Variants in GLIS3 observed in about 807,000 individuals in gnomAD.
GLIS3 encodes the protein zinc finger protein GLIS3.
In GLIS3, 53 loss-of-function variants were observed where a neutral mutation model predicts 78.6. The observed-to-expected ratio is 0.67, with a 90% CI of 0.54 to 0.85. GLIS3 has a LOEUF of 0.85. GLIS3 is among the 40% of genes least tolerant of loss of function. The pLI, the probability that GLIS3 is intolerant of heterozygous loss-of-function variation, is 0.00. For missense variants in GLIS3, 1,703 were observed against 1,231.1 expected, an observed-to-expected ratio of 1.38 and a Z score of -5.74; for synonymous variants, 684 against 509.9, an observed-to-expected ratio of 1.34 and a Z score of -4.60.
intron 2 of GLIS3, among the ~76,000 whole-genome samples, chr9:4,335,861 C>A (rs1372362585): frequency 6.6e-6 from 1 of 152,174 alleles, no homozygotes; most frequent in East Asian, 1.9e-4. Context: ...CTCATTCCAG[C>A]CTTGGTGTTT....
chr9:4,240,375 T>C (rs533826103), intron 2 of GLIS3, among the ~76,000 whole-genome samples: 6 of 152,298 alleles, frequency 3.9e-5, no homozygotes, highest in African/African-American at 1.4e-4. Flanking sequence ...CAGGCAGTCA[T>C]GTTCACTCAC....
At chr9:4,182,578 A>G (rs1817427320) in intron 2 of GLIS3, among the ~76,000 whole-genome samples, 1 of 152,230 alleles carries the variant, frequency 6.6e-6, no homozygotes, top group African/African-American at 2.4e-5. Flanking sequence ...GGGTATCACC[A>G]CAAACATCTT....
At chr9:4,058,301 C>T (rs1001911865) in intron 4 of GLIS3, among the ~76,000 whole-genome samples, 1 of 151,922 alleles carries the variant, frequency 6.6e-6, no homozygotes, top group Non-Finnish European at 1.5e-5. Context: ...ACCACACATA[C>T]ACAATAAGGC....
intron 4 of GLIS3, among the ~76,000 whole-genome samples, chr9:4,089,174 T>C (rs1481344688): frequency 6.6e-6 from 1 of 152,192 alleles, no homozygotes; most frequent in African/African-American, 2.4e-5. Flanking sequence ...CTGTCTCAAC[T>C]GCAGTGTGGA....
intron 2 of GLIS3, among the ~76,000 whole-genome samples, chr9:4,325,421 A>G (rs1344079789): frequency 1.3e-5 from 2 of 152,232 alleles, no homozygotes; most frequent in East Asian, 3.8e-4. Flanking sequence ...AACAACATAC[A>G]GTTCATCTTT....
chr9:4,080,551 C>G (rs754581853), intron 4 of GLIS3, among the ~76,000 whole-genome samples: 6 of 152,028 alleles, frequency 3.9e-5, no homozygotes, highest in Non-Finnish European at 5.9e-5. Context: ...GTGTATTCTA[C>G]CCCATTTAAA....
intron 2 of GLIS3, among the ~76,000 whole-genome samples, chr9:4,185,958 G>A (rs1203752929): frequency 1.3e-5 from 2 of 151,978 alleles, no homozygotes; most frequent in Non-Finnish European, 2.9e-5. Flanking sequence ...CTGGCGCAGT[G>A]TGTCAAAGTT....
Position 3,980,423 on chromosome 9 carries a change from C to T in GLIS3, c.1711-43234G>A, listed in dbSNP as rs762690987. On this transcript the variant is annotated intron_variant, in intron 4 of 10. Coordinates refer to ENST00000381971, the MANE Select transcript of GLIS3 (RefSeq NM_001042413.2). ...TCCAGAGTCCATATCTCTCTCCTCA[C>T]CCTGAAATGTAAGCCAGACATACCA... is the stretch of plus-strand genomic sequence containing the variant. Among the ~76,000 whole-genome samples the T allele has an allele frequency of 6.0e-4, 91 of 152,294 alleles. 1 individual carries two copies. The highest frequency in any genetic ancestry group is 7.6e-4 in the Non-Finnish European group (52 of 68,030).
Position 4,261,311 on chromosome 9 carries a change from G to C in GLIS3, c.388+24727C>G, listed in dbSNP as rs191755274. Among the ~76,000 whole-genome samples, 3 of 152,262 alleles carry C rather than the reference G, an allele frequency of 2.0e-5. No homozygotes were observed. The East Asian group carries it at 5.8e-4, about 29-fold the overall frequency. The stretch of plus-strand genomic sequence containing the variant: ...GGGGATACATGAGAGTGAGACGTGG[G>C]ACTTGATACTCTGCCATAATGGAAG... On this transcript the variant is annotated intron_variant, in intron 2 of 10. Coordinates refer to ENST00000381971, the MANE Select transcript of GLIS3 (RefSeq NM_001042413.2).
intron 2 of GLIS3, among the ~76,000 whole-genome samples, chr9:4,237,819 G>A (rs1822908141): frequency 2.6e-5 from 4 of 152,192 alleles, no homozygotes; most frequent in Admixed American, 2.6e-4. Flanking sequence ...GGGACACACT[G>A]TAAGCACATT....
chr9:4,460,231 C>A, the GLIS3 span, among the ~76,000 whole-genome samples: 1 of 152,014 alleles, frequency 6.6e-6, no homozygotes, highest in Non-Finnish European at 1.5e-5. Context: ...AGAAAGGGGG[C>A]AATTCCTAGG....
At chr9:3,932,772 TA>T in intron 5 of GLIS3, 1 of 430,070 alleles carries the variant, frequency 2.3e-6, no homozygotes, top group South Asian at 1.7e-5. Flanking sequence ...AAATTATTAG[TA>T]AGCATCTCTA....
At chr9:4,397,254 T>G in the GLIS3 span, among the ~76,000 whole-genome samples, 1 of 147,968 alleles carries the variant, frequency 6.8e-6, no homozygotes, top group Admixed American at 6.7e-5. Flanking sequence ...CTCGATCTCC[T>G]GACCTCGTGA....
chr9:3,962,569 T>C (rs912849615), intron 4 of GLIS3, among the ~76,000 whole-genome samples: 4 of 152,220 alleles, frequency 2.6e-5, no homozygotes, highest in African/African-American at 9.6e-5. Context: ...TGTTTACTTA[T>C]ATTTATTCAA....
chr9:4,014,056 AG>A (rs1359302130), intron 4 of GLIS3, among the ~76,000 whole-genome samples: 1 of 152,182 alleles, frequency 6.6e-6, no homozygotes, highest in Non-Finnish European at 1.5e-5. Context: ...ATTGCAGAAG[AG>A]GCTTCACATG....
At chr9:4,180,495 C>G (rs1817213813) in intron 2 of GLIS3, among the ~76,000 whole-genome samples, 1 of 152,148 alleles carries the variant, frequency 6.6e-6, no homozygotes, top group Non-Finnish European at 1.5e-5. Context: ...TTAAATGAAA[C>G]ACCCTTTGTG....
chr9:3,900,322 G>T (rs938588167), intron 6 of GLIS3, among the ~76,000 whole-genome samples: 1 of 152,010 alleles, frequency 6.6e-6, no homozygotes, highest in East Asian at 1.9e-4. Context: ...AGTAATGAAG[G>T]TACAGTGAGA....
At chr9:4,464,795 T>C in the GLIS3 span, among the ~76,000 whole-genome samples, 258 of 152,212 alleles carry the variant, frequency 1.7e-3, no homozygotes, top group South Asian at 3.1e-3. Flanking sequence ...AAGAAAAAAA[T>C]TGTAAAGGTT....
chr9:4,468,835 G>A, the GLIS3 span, among the ~76,000 whole-genome samples: 1 of 152,284 alleles, frequency 6.6e-6, no homozygotes, highest in East Asian at 1.9e-4. Context: ...AAAAGACACA[G>A]ACTGGCAAAT....
Sources: gnomAD v4.1 joint callset for allele counts (sites outside exome capture counted in the v4.1 genomes callset) on GRCh38, gnomAD v4.1.1 for gene constraint, MANE v1.5 for transcripts, NCBI Gene and HGNC (gene_info 2026-07-23, HGNC 2026-07-21) for gene names.